The following CCDC85A variants were observed in gnomAD, a reference collection of about 807,000 sequenced individuals.
The protein encoded by CCDC85A is coiled-coil domain containing 85A.
In CCDC85A, 38 loss-of-function variants were observed where a neutral mutation model predicts 50.2. That is an observed-to-expected ratio of 0.76 (90% confidence interval 0.58 to 0.99). The LOEUF (loss-of-function observed/expected upper bound fraction) is 0.99. Ranked by LOEUF, CCDC85A falls within the 50% of genes least tolerant of loss-of-function variation. The pLI, the probability that CCDC85A is intolerant of heterozygous loss-of-function variation, is 0.00. For synonymous variants in CCDC85A, 366 were observed against 301.4 expected, an observed-to-expected ratio of 1.21 and a Z score of -2.22; for missense variants, 820 against 742.0, an observed-to-expected ratio of 1.11 and a Z score of -1.22.
intron 3 of CCDC85A, among the ~76,000 whole-genome samples, chr2:56,356,146 A>G (rs192585067): frequency 1.8e-4 from 28 of 152,328 alleles, no homozygotes; most frequent in Non-Finnish European, 8.8e-5. Flanking sequence ...CTAACCAGTA[A>G]ATTTGATCAC....
At chr2:56,325,819 G>T (rs1673437940) in intron 2 of CCDC85A, among the ~76,000 whole-genome samples, 1 of 152,116 alleles carries the variant, frequency 6.6e-6, no homozygotes, top group Non-Finnish European at 1.5e-5. Context: ...TGACTTAGCA[G>T]ATTCAAGCAC....
At chr2:56,343,217 A>C (rs1674462499) in intron 3 of CCDC85A, among the ~76,000 whole-genome samples, 1 of 152,220 alleles carries the variant, frequency 6.6e-6, no homozygotes, top group Non-Finnish European at 1.5e-5. Flanking sequence ...AGAAGGATAA[A>C]ATAATGAGAA....
chr2:56,270,492 T>C (rs1416065510), intron 2 of CCDC85A, among the ~76,000 whole-genome samples: 1 of 152,176 alleles, frequency 6.6e-6, no homozygotes, highest in African/African-American at 2.4e-5. Context: ...GGATGAAAAG[T>C]AATAGATACT....
chr2:56,268,328 T>G (rs978659480), intron 2 of CCDC85A, among the ~76,000 whole-genome samples: 16 of 152,102 alleles, frequency 1.1e-4, no homozygotes, highest in Non-Finnish European at 1.3e-4. Context: ...CCGGGCACAG[T>G]GGCTCACACC....
chr2:56,291,715 G>A (rs13384655), intron 2 of CCDC85A, among the ~76,000 whole-genome samples: 24,637 of 151,224 alleles, frequency 0.16, 2,576 homozygotes, highest in African/African-American at 0.28. Context: ...GATAGAACAC[G>A]TAAGGCCCTG....
intron 2 of CCDC85A, among the ~76,000 whole-genome samples, chr2:56,306,998 A>G (rs2104211187): frequency 6.6e-6 from 1 of 152,314 alleles, no homozygotes; most frequent in South Asian, 2.1e-4. Flanking sequence ...GTTTTGCTTC[A>G]TCCAAAATTT....
chr2:56,375,985 C>T (rs1477432986), intron 5 of CCDC85A, 50 bp downstream of exon 5: 6 of 1,590,214 alleles, frequency 3.8e-6, no homozygotes, highest in East Asian at 2.3e-5. Context: ...TGTGTCGTCG[C>T]TTGTTCGCTG....
rs369186422 is a variant in CCDC85A at position 56,296,451 on chromosome 2, C to A, written c.1241-46428C>A. Among the ~76,000 whole-genome samples the A allele has an allele frequency of 4.6e-5, 7 of 152,274 alleles. No homozygotes were observed. The East Asian group carries it at 1.4e-3, about 29-fold the overall frequency. ...GAGGACCTTTTGAAGCCTATGTAAG[C>A]CTGCAGAAGGAGCAGGCAGCTGAAC... On this transcript the variant is annotated intron_variant, in intron 2 of 5. Transcript: ENST00000407595.
chr2:56,263,170 G>C (rs906210068), intron 2 of CCDC85A, among the ~76,000 whole-genome samples: 1 of 152,158 alleles, frequency 6.6e-6, no homozygotes, highest in Non-Finnish European at 1.5e-5. Context: ...CCTAAAGACA[G>C]AGTTCCTGAA....
intron 2 of CCDC85A, among the ~76,000 whole-genome samples, chr2:56,237,209 T>C (rs1669058020): frequency 6.6e-6 from 1 of 152,152 alleles, no homozygotes; most frequent in Non-Finnish European, 1.5e-5. Flanking sequence ...ATATAGCTCA[T>C]TCACTTCCAC....
At chr2:56,259,002 A>G (rs781332011) in intron 2 of CCDC85A, among the ~76,000 whole-genome samples, 10 of 152,174 alleles carry the variant, frequency 6.6e-5, no homozygotes, top group Non-Finnish European at 1.3e-4. Context: ...CACTAAATGA[A>G]TAAAATAATG....
intron 2 of CCDC85A, among the ~76,000 whole-genome samples, chr2:56,236,973 A>G (rs920802126): frequency 6.6e-6 from 1 of 152,142 alleles, no homozygotes; most frequent in African/African-American, 2.4e-5. Context: ...TGTCTCGTCC[A>G]GCTTTTCTAT....
chr2:56,348,937 T>G (rs1558653045), intron 3 of CCDC85A, among the ~76,000 whole-genome samples: 1 of 152,152 alleles, frequency 6.6e-6, no homozygotes, highest in Non-Finnish European at 1.5e-5. Flanking sequence ...TCTTTTAGAG[T>G]TGGAATTGCT....
At chr2:56,187,189 G>T (rs185011643) in intron 1 of CCDC85A, among the ~76,000 whole-genome samples, 2 of 151,506 alleles carry the variant, frequency 1.3e-5, no homozygotes, top group East Asian at 3.9e-4. Flanking sequence ...AAGAAAAGAA[G>T]TATTTTTTTT....
chr2:56,223,689 G>A (rs1668424284), intron 2 of CCDC85A, among the ~76,000 whole-genome samples: 1 of 152,112 alleles, frequency 6.6e-6, no homozygotes, highest in South Asian at 2.1e-4. Context: ...AAGTCTAAAG[G>A]AGAATTTACT....
chr2:56,193,309 C>T lies in CCDC85A; in HGVS notation c.1109C>T (p.Pro370Leu). ...CTCAAACAACATTATGGAGGGAGCC[C>T]TGATCACAAACACGGAGGAGGCAGT... Reference protein sequence around the residue: ...EHLKQHYGGSPDHKHGGGSGG... With the variant: ...EHLKQHYGGSLDHKHGGGSGG... Residue 370 changes from proline (P) to leucine (L), a missense_variant, in exon 2 of 6, where the codon CCT (proline) becomes CTT (leucine). Transcript: ENST00000407595. 3 of 1,613,566 alleles carry T rather than the reference C, an allele frequency of 1.9e-6. No individual in the cohort carries two copies. Among genetic ancestry groups the T allele is most frequent in the Non-Finnish European group, 2.5e-6 (3 of 1,179,694 alleles).
At chr2:56,320,443 A>C (rs1334629709) in intron 2 of CCDC85A, among the ~76,000 whole-genome samples, 1 of 152,186 alleles carries the variant, frequency 6.6e-6, no homozygotes, top group Non-Finnish European at 1.5e-5. Context: ...TGCAATAAAA[A>C]ATGATAAAGG....
chr2:56,343,370 A>T (rs1306980222), intron 3 of CCDC85A, among the ~76,000 whole-genome samples: 1 of 152,264 alleles, frequency 6.6e-6, no homozygotes, highest in Non-Finnish European at 1.5e-5. Context: ...AAGGTTTCGC[A>T]TTATAATTAA....
intron 2 of CCDC85A, among the ~76,000 whole-genome samples, chr2:56,205,716 G>C (rs1051510700): frequency 6.6e-6 from 1 of 152,152 alleles, no homozygotes; most frequent in Non-Finnish European, 1.5e-5. Flanking sequence ...GTGTGGATGA[G>C]AGATTGAGAA....
Sources: allele counts gnomAD v4.1 joint callset (sites outside exome capture counted in the v4.1 genomes callset), GRCh38; gene constraint gnomAD v4.1.1; transcripts MANE v1.5; gene names NCBI Gene and HGNC (gene_info 2026-07-23, HGNC 2026-07-21).